ARL13B: variants seen among roughly 807,000 people sequenced by gnomAD.
The protein encoded by ARL13B is ADP-ribosylation factor-like protein 13B.
Under a neutral mutation model 56.1 loss-of-function variants are expected in ARL13B, and 36 were observed. That is an observed-to-expected ratio of 0.64 (90% CI 0.49 to 0.85). The LOEUF is 0.85. Ranked by LOEUF, ARL13B falls within the 40% of genes least tolerant of loss-of-function variation. ARL13B has a pLI of 0.00. For synonymous variants in ARL13B, 178 were observed against 171.1 expected (o/e 1.04, Z -0.32); for missense variants, 519 against 507.1 (o/e 1.02, Z -0.23).
In ARL13B at chr3:94,043,155, A is replaced by G. The variant is rs991954473; in HGVS notation, c.939A>G (p.Glu313=). ...QVNHNGQKNN[E]FGLVENYKEA... is the part of the protein sequence containing the mutation. ...ATCACAATGGCCAAAAAAATAATGA[A>G]TTTGGACTAGTAGAAAATTATAAGG... Residue 313 remains glutamate, a synonymous_variant, in exon 7 of 10, where the codon GAA becomes GAG. Transcript: ENST00000394222. The G allele has an allele frequency of 1.2e-6, 2 of 1,613,744 alleles. No homozygotes were observed. Among genetic ancestry groups the G allele is most frequent in the Non-Finnish European group, 1.7e-6 (2 of 1,179,916 alleles).
chr3:93,988,885 G>T, intron 1 of ARL13B: 3 of 361,304 alleles, frequency 8.3e-6, no homozygotes, highest in South Asian at 2.3e-5. Flanking sequence ...CAAGTGCGCA[G>T]ATCTCCTCTT....
chr3:94,001,766 CA>C (rs2076059193), intron 2 of ARL13B, among the ~76,000 whole-genome samples: 1 of 152,166 alleles, frequency 6.6e-6, no homozygotes, highest in African/African-American at 2.4e-5. Flanking sequence ...CCTACTTCAG[CA>C]TAGTTGATTT....
chr3:94,021,912 C>T (rs918594311), intron 3 of ARL13B, among the ~76,000 whole-genome samples: 1 of 151,920 alleles, frequency 6.6e-6, no homozygotes, highest in African/African-American at 2.4e-5. Flanking sequence ...ATTAATAATG[C>T]ATGTACACAG....
At chr3:94,014,490 A>T in intron 3 of ARL13B, 1 of 1,610,654 alleles carries the variant, frequency 6.2e-7, no homozygotes, top group Non-Finnish European at 8.5e-7. Context: ...TATTGTTAAC[A>T]TACTCTTTTG....
At chr3:94,035,563 G>A (rs553114630) in intron 4 of ARL13B, 127 bp downstream of exon 4, 107 of 638,396 alleles carry the variant, frequency 1.7e-4, no homozygotes, top group Non-Finnish European at 2.8e-4. Context: ...TGTAACCTAT[G>A]AAATCACATT....
chr3:93,983,850 G>C (rs1170942719), intron 1 of ARL13B, among the ~76,000 whole-genome samples: 2 of 152,040 alleles, frequency 1.3e-5, no homozygotes, highest in African/African-American at 4.8e-5. Flanking sequence ...ATTGACACTT[G>C]AACAACGCAG....
chr3:94,020,924 A>C (rs905878118), intron 3 of ARL13B, among the ~76,000 whole-genome samples: 1 of 152,116 alleles, frequency 6.6e-6, no homozygotes, highest in Non-Finnish European at 1.5e-5. Context: ...AGGAGATTCC[A>C]TACGCCTCTT....
At chr3:94,019,389 G>A (rs1413253995) in intron 3 of ARL13B, among the ~76,000 whole-genome samples, 1 of 151,422 alleles carries the variant, frequency 6.6e-6, no homozygotes, top group African/African-American at 2.4e-5. Flanking sequence ...TAGAGATAGG[G>A]TTTCACCATA....
At chr3:94,025,356 T>C (rs1211279287) in intron 3 of ARL13B, among the ~76,000 whole-genome samples, 1 of 152,214 alleles carries the variant, frequency 6.6e-6, no homozygotes, top group East Asian at 1.9e-4. Flanking sequence ...ATCATGGCAA[T>C]GCGTATTATG....
intron 3 of ARL13B, among the ~76,000 whole-genome samples, chr3:94,012,843 C>T (rs1308864408): frequency 1.3e-5 from 2 of 152,066 alleles, no homozygotes; most frequent in African/African-American, 4.8e-5. Flanking sequence ...TTCTACTCAC[C>T]TCTCCCAAAT....
intron 2 of ARL13B, among the ~76,000 whole-genome samples, chr3:94,002,207 T>C (rs1312620792): frequency 6.6e-6 from 1 of 152,188 alleles, no homozygotes; most frequent in Non-Finnish European, 1.5e-5. Flanking sequence ...ATGTTCTATA[T>C]TGGCTCTGTC....
intron 3 of ARL13B, chr3:94,014,263 T>G: frequency 1.3e-6 from 1 of 796,096 alleles, no homozygotes; most frequent in Non-Finnish European, 1.8e-6. Flanking sequence ...AGGGGAAAAT[T>G]ACAACTTAAC....
At position 94,026,884 on chromosome 3, in the gene ARL13B, G is replaced by C. The variant is rs567929580; in HGVS notation, c.381-8447G>C. Among the ~76,000 whole-genome samples the C allele has an allele frequency of 3.9e-5, 6 of 152,188 alleles. No individual in the cohort carries two copies. In the South Asian group the frequency reaches 1.2e-3, roughly 32 times the overall value. ...TTTAAAAAAGAAAGAACACTAACTC[G>C]TATGTATGATAATCAACTTGGACAA... On this transcript the variant is annotated intron_variant, in intron 3 of 9. Coordinates refer to ENST00000394222, the MANE Select transcript of ARL13B (RefSeq NM_001174150.2).
In ARL13B at chr3:94,055,560, T is replaced by C. The variant is rs149269561; in HGVS notation, c.*2297T>C. 3.8e-3 allele frequency: 1,746 copies of C among 453,958 alleles called. 25 individuals carry two copies. Among genetic ancestry groups the C allele is most frequent in the African/African-American group, 0.033 (1,642 of 50,098 alleles). The allele number at this position is 453,958 out of a possible 1,614,324, so 28.1% of individuals were successfully genotyped here. On this transcript the variant is annotated 3_prime_UTR_variant, in exon 10 of 10. Transcript: ENST00000394222. Reference sequence around the variant, plus strand: ...CGTTAAAGCTGTTGGTCAACAGATATGTTTTTATGTATTTAAAAGAGGCTC... The same window carrying C: ...CGTTAAAGCTGTTGGTCAACAGATACGTTTTTATGTATTTAAAAGAGGCTC...
At chr3:93,996,167 C>A (rs1476556174) in intron 2 of ARL13B, among the ~76,000 whole-genome samples, 1 of 152,152 alleles carries the variant, frequency 6.6e-6, no homozygotes, top group South Asian at 2.1e-4. Context: ...GCAGAGGCTC[C>A]TTGATGCCTT....
At chr3:93,998,362 T>G (rs549198712) in intron 2 of ARL13B, among the ~76,000 whole-genome samples, 1 of 152,198 alleles carries the variant, frequency 6.6e-6, no homozygotes, top group Non-Finnish European at 1.5e-5. Context: ...CTCCATATAT[T>G]CATAAGTTCC....
chr3:94,031,223 C>T (rs1426501322), intron 3 of ARL13B, among the ~76,000 whole-genome samples: 2 of 151,504 alleles, frequency 1.3e-5, no homozygotes, highest in Non-Finnish European at 2.9e-5. Flanking sequence ...ATTTAAGAAG[C>T]TAAGTAAAAC....
intron 3 of ARL13B, chr3:94,014,540 C>T (rs2076286909): frequency 1.2e-6 from 2 of 1,612,862 alleles, no homozygotes; most frequent in Non-Finnish European, 1.7e-6. Flanking sequence ...ATGCTCTCTC[C>T]TTGTTCCTCT....
intron 3 of ARL13B, among the ~76,000 whole-genome samples, chr3:94,025,067 AT>A (rs2076527406): frequency 6.6e-6 from 1 of 152,132 alleles, no homozygotes; most frequent in Non-Finnish European, 1.5e-5. Flanking sequence ...ACTGCCACTG[AT>A]TTTGGAAAGC....
Sources: gnomAD v4.1 joint callset for allele counts (sites outside exome capture counted in the v4.1 genomes callset) on GRCh38, gnomAD v4.1.1 for gene constraint, MANE v1.5 for transcripts, NCBI Gene and HGNC (gene_info 2026-07-23, HGNC 2026-07-21) for gene names.